UBE4B: variants seen among roughly 807,000 people sequenced by gnomAD.
The protein encoded by UBE4B is ubiquitination factor E4B.
A neutral mutation model predicts 148.1 loss-of-function variants in UBE4B; 27 were observed. The observed-to-expected ratio is 0.18, with a 90% CI of 0.13 to 0.25. UBE4B has a LOEUF of 0.25. Among genes scored for constraint, UBE4B ranks in the 10% least tolerant of loss-of-function variants. The probability of loss-of-function intolerance (pLI) is 1.00; values close to 1 mark genes in which losing one functional copy is unlikely to be tolerated. For missense variants in UBE4B, 1,170 were observed against 1,662.4 expected, an observed-to-expected ratio of 0.70 and a Z score of 5.15; for synonymous variants, 596 against 619.3, an observed-to-expected ratio of 0.96 and a Z score of 0.56.
chr1:10,071,878 G>C, intron 1 of UBE4B, 150 bp from the exon 2 acceptor site: 1 of 765,314 alleles, frequency 1.3e-6, no homozygotes, highest in Non-Finnish European at 1.9e-6. Context: ...TAGGAATACT[G>C]GTAGAGCGAG....
At chr1:10,164,402 T>G (rs1163493948) in intron 23 of UBE4B, among the ~76,000 whole-genome samples, 1 of 149,842 alleles carries the variant, frequency 6.7e-6, no homozygotes, top group East Asian at 2.0e-4. Flanking sequence ...CAGGCTGGAG[T>G]GCAATGACAG....
At position 10,144,956 on chromosome 1, in the gene UBE4B, A is replaced by C; in HGVS notation, c.2380A>C (p.Lys794Gln). 1.2e-6 allele frequency: 2 copies of C among 1,613,556 alleles called. No individual in the cohort carries two copies. Among genetic ancestry groups the C allele is most frequent in the Non-Finnish European group, 1.7e-6 (2 of 1,179,674 alleles). The change falls in exon 18 of 28, where the codon AAA becomes CAA. Residue 794 changes from lysine to glutamine, a missense_variant. Transcript: ENST00000343090. ...RELNRTVEDL[K>Q]NNESQWKDSP... is the part of the protein sequence containing the mutation. ...TGATTTCAGAACTGTAGAAGATTTG[A>C]AAAATAATGAAAGCCAATGGAAAGA... is the stretch of plus-strand genomic sequence containing the variant.
intron 1 of UBE4B, among the ~76,000 whole-genome samples, chr1:10,051,720 C>G (rs1393358079): frequency 2.0e-5 from 3 of 152,040 alleles, no homozygotes; most frequent in Non-Finnish European, 4.4e-5. Flanking sequence ...CTCGAGGAGT[C>G]CCAGGAGAAA....
chr1:10,180,544 T>C lies in UBE4B; in HGVS notation c.*588T>C, dbSNP rs942787810. On this transcript the variant is annotated 3_prime_UTR_variant, in exon 28 of 28. Coordinates refer to ENST00000343090, the MANE Select transcript of UBE4B (RefSeq NM_001105562.3). ...CGTATTTTTATATCATATTCACATA[T>C]TTGTTTTTTTAATTGGTGTTAGATG... 6 of 152,626 alleles carry C rather than the reference T, an allele frequency of 3.9e-5. No individual in the cohort carries two copies. The highest frequency in any genetic ancestry group is 2.0e-4 in the Admixed American group (3 of 15,270). 9.5% of individuals were successfully genotyped at this position (152,626 alleles called of 1,614,324 possible).
intron 17 of UBE4B, among the ~76,000 whole-genome samples, chr1:10,142,798 G>A (rs755995935): frequency 7.2e-5 from 11 of 151,988 alleles, no homozygotes; most frequent in Non-Finnish European, 1.0e-4. Flanking sequence ...CCACCTTACT[G>A]TATTTTCAAA....
chr1:10,122,393 A>C (rs1035091600), intron 10 of UBE4B, among the ~76,000 whole-genome samples: 6 of 152,254 alleles, frequency 3.9e-5, no homozygotes, highest in African/African-American at 1.4e-4. Flanking sequence ...CAGAGACGGC[A>C]TAAGGCATGA....
chr1:10,178,846 A>T (rs1175431775), intron 26 of UBE4B, 28 bp downstream of exon 26: 4 of 1,558,446 alleles, frequency 2.6e-6, no homozygotes, highest in Non-Finnish European at 3.5e-6. Flanking sequence ...TTTCATGCTG[A>T]TTTCTTTTGA....
intron 1 of UBE4B, among the ~76,000 whole-genome samples, chr1:10,040,272 G>A (rs919781008): frequency 6.6e-6 from 1 of 151,886 alleles, no homozygotes; most frequent in Admixed American, 6.6e-5. Flanking sequence ...GCCATGCCCA[G>A]CTAATTTTTT....
chr1:10,090,680 A>T (rs2101865659), intron 2 of UBE4B, among the ~76,000 whole-genome samples: 1 of 152,230 alleles, frequency 6.6e-6, no homozygotes, highest in South Asian at 2.1e-4. Flanking sequence ...TCGACCGCCC[A>T]ATCTGTTGGA....
At chr1:10,117,207 T>TG (rs1437566049) in intron 7 of UBE4B, among the ~76,000 whole-genome samples, 1 of 152,212 alleles carries the variant, frequency 6.6e-6, no homozygotes, top group Non-Finnish European at 1.5e-5. Context: ...CAGTTCTTAG[T>TG]GCTTCTGGTT....
At chr1:10,150,244 G>C (rs1233521443) in intron 20 of UBE4B, among the ~76,000 whole-genome samples, 1 of 152,064 alleles carries the variant, frequency 6.6e-6, no homozygotes, top group East Asian at 1.9e-4. Flanking sequence ...TTGGTGACAC[G>C]TGATTTTGAT....
At chr1:10,107,959 T>G (rs1045623946) in intron 7 of UBE4B, among the ~76,000 whole-genome samples, 2 of 152,162 alleles carry the variant, frequency 1.3e-5, no homozygotes, top group African/African-American at 4.8e-5. Flanking sequence ...GAAAACAGAT[T>G]AAAGATCAGT....
rs559639194 is a variant in UBE4B at position 10,072,277 on chromosome 1, T to C, written c.211+63T>C. ...TCTTCTTAGCTTTTTGTTAAGCTGA[T>C]GGTTGTGATGTTTCCAGAACAGATT... On this transcript the variant is annotated intron_variant, in intron 2 of 27. Coordinates refer to ENST00000343090, the MANE Select transcript of UBE4B (RefSeq NM_001105562.3). 4 of 1,552,136 alleles carry C rather than the reference T, an allele frequency of 2.6e-6. No homozygotes were observed. The African/African-American group carries it at 4.1e-5, about 16-fold the overall frequency.
At chr1:10,103,808 A>G (rs899298325) in intron 5 of UBE4B, among the ~76,000 whole-genome samples, 21 of 151,872 alleles carry the variant, frequency 1.4e-4, no homozygotes, top group Admixed American at 2.0e-4. Context: ...TTGTATTTTT[A>G]GTAGAGACAG....
In UBE4B at chr1:10,048,174, C is replaced by A. The variant is rs200855506; in HGVS notation, c.24+14480C>A. On this transcript the variant is annotated intron_variant, in intron 1 of 27. Coordinates refer to ENST00000343090, the MANE Select transcript of UBE4B (RefSeq NM_001105562.3). ...TGAATGCGTTTTGGGAGGCAACTAG[C>A]TTTTCTACCACAGGGATACCAGGAA... is the stretch of plus-strand genomic sequence containing the variant. Among the ~76,000 whole-genome samples, 6 of 152,214 alleles carry A rather than the reference C, an allele frequency of 3.9e-5. No individual in the cohort carries two copies. In the East Asian group the frequency reaches 1.2e-3, roughly 29 times the overall value.
intron 1 of UBE4B, among the ~76,000 whole-genome samples, chr1:10,043,431 T>C (rs969935574): frequency 7.0e-6 from 1 of 141,978 alleles, no homozygotes; most frequent in African/African-American, 2.6e-5. Context: ...CTTTTTTTTT[T>C]TTTTTTTTTT....
chr1:10,076,558 G>A (rs1296169332), intron 2 of UBE4B, among the ~76,000 whole-genome samples: 1 of 151,554 alleles, frequency 6.6e-6, no homozygotes, highest in Non-Finnish European at 1.5e-5. Context: ...AGTGCTAACA[G>A]AGACAAACAC....
chr1:10,068,930 G>C (rs781115765), intron 1 of UBE4B, among the ~76,000 whole-genome samples: 1 of 152,130 alleles, frequency 6.6e-6, no homozygotes, highest in Non-Finnish European at 1.5e-5. Context: ...TTTAAGATGG[G>C]GCAAAATGTA....
At chr1:10,147,795 A>C (rs1480074057) in intron 19 of UBE4B, among the ~76,000 whole-genome samples, 1 of 152,204 alleles carries the variant, frequency 6.6e-6, no homozygotes, top group African/African-American at 2.4e-5. Flanking sequence ...TCACTTTGTC[A>C]TCAACTGGTC....
Sources: gnomAD v4.1 joint callset for allele counts (sites outside exome capture counted in the v4.1 genomes callset) on GRCh38, gnomAD v4.1.1 for gene constraint, MANE v1.5 for transcripts, NCBI Gene and HGNC (gene_info 2026-07-23, HGNC 2026-07-21) for gene names.